PCDHAC1: variants seen among roughly 807,000 people sequenced by gnomAD.
The protein encoded by PCDHAC1 is protocadherin alpha-C1.
A neutral mutation model predicts 60.0 loss-of-function variants in PCDHAC1; 42 were observed. The observed-to-expected ratio is 0.70, with a 90% CI of 0.55 to 0.90. PCDHAC1 has a LOEUF of 0.90. PCDHAC1 is among the 40% of genes least tolerant of loss of function. PCDHAC1 has a pLI of 0.00. For missense variants in PCDHAC1, 1,160 were observed against 1,222.3 expected (o/e 0.95, Z 0.76); for synonymous variants, 468 against 499.3 (o/e 0.94, Z 0.84).
intron 1 of PCDHAC1, among the ~76,000 whole-genome samples, chr5:140,938,642 CCTT>C (rs1554212266): frequency 6.6e-6 from 1 of 151,942 alleles, no homozygotes; most frequent in East Asian, 1.9e-4. Flanking sequence ...GATGTATAAT[CCTT>C]CTTTATATCA....
intron 1 of PCDHAC1, chr5:140,967,690 C>G (rs782694266): frequency 6.2e-7 from 1 of 1,614,190 alleles, no homozygotes; most frequent in Non-Finnish European, 8.5e-7. Flanking sequence ...GGCAGCTCTT[C>G]AGCATAGATG....
intron 1 of PCDHAC1, among the ~76,000 whole-genome samples, chr5:140,941,191 T>TTTCTTTCTTCCTTTCTTCC (rs1487503403): frequency 1.1e-5 from 1 of 93,258 alleles, no homozygotes; most frequent in African/African-American, 3.9e-5. Flanking sequence ...GCTTCTTTTT[T>TTTCTTTCTTCCTTTCTTCC]TTTCTTTCTT....
chr5:140,927,072 C>A lies in PCDHAC1; in HGVS notation c.180C>A (p.Ser60Arg). The A allele has an allele frequency of 1.2e-6, 2 of 1,610,790 alleles. No individual in the cohort carries two copies. The highest frequency in any genetic ancestry group is 1.7e-6 in the Non-Finnish European group (2 of 1,177,694). The change falls in exon 1 of 4, where the codon AGC becomes AGA. Residue 60 changes from serine to arginine, a missense_variant. Physicochemically the swap from Ser to Arg is moderately radical, Grantham distance 110. Coordinates refer to ENST00000253807, the MANE Select transcript of PCDHAC1 (RefSeq NM_018898.5). Reference sequence around the variant, plus strand: ...CGCGGAACTTTCGCTTCCTTTCCAGCCACCGCGAGCTCTACTTCGGGGTGG... The same window carrying A: ...CGCGGAACTTTCGCTTCCTTTCCAGACACCGCGAGCTCTACTTCGGGGTGG... ...MSSRNFRFLS[S>R]HRELYFGVDL...
At chr5:140,972,091 C>G (rs1169233514) in intron 1 of PCDHAC1, among the ~76,000 whole-genome samples, 3 of 152,164 alleles carry the variant, frequency 2.0e-5, no homozygotes, top group African/African-American at 4.8e-5. Context: ...AGAGTAATTT[C>G]TGGCATAGAA....
chr5:140,967,361 C>G (rs1323729968), intron 1 of PCDHAC1: 9 of 1,607,256 alleles, frequency 5.6e-6, no homozygotes, highest in African/African-American at 1.3e-5. Context: ...GGACCTTAAG[C>G]CCCTGCAGGA....
rs1032045343 is a variant in PCDHAC1 at position 140,949,549 on chromosome 5, G to A, written c.2433+20224G>A. On this transcript the variant is annotated intron_variant, in intron 1 of 3. Transcript: ENST00000253807. Reference sequence around the variant, plus strand: ...CTTCATAAAATATCGATTTGTTGCTGGTCATACTTTTTTTCTTGTAGTAGC... The same window carrying A: ...CTTCATAAAATATCGATTTGTTGCTAGTCATACTTTTTTTCTTGTAGTAGC... Among the ~76,000 whole-genome samples the A allele has an allele frequency of 2.0e-5, 3 of 151,684 alleles. No homozygotes were observed. In the South Asian group the frequency reaches 6.2e-4, roughly 31 times the overall value.
At chr5:141,004,495 C>T (rs1363359146) in intron 3 of PCDHAC1, among the ~76,000 whole-genome samples, 14 of 152,182 alleles carry the variant, frequency 9.2e-5, no homozygotes, top group Admixed American at 9.2e-4. Flanking sequence ...TCTTGGCAGT[C>T]CTGCTGTGAG....
intron 1 of PCDHAC1, among the ~76,000 whole-genome samples, chr5:140,970,314 A>G (rs141905108): frequency 0.01 from 1,597 of 152,320 alleles, 13 homozygotes; most frequent in Middle Eastern, 0.014. Flanking sequence ...AAGTTAAATG[A>G]CAGTACTTCC....
Sources: gnomAD v4.1 joint callset for allele counts (sites outside exome capture counted in the v4.1 genomes callset) on GRCh38, gnomAD v4.1.1 for gene constraint, MANE v1.5 for transcripts, NCBI Gene and HGNC (gene_info 2026-07-23, HGNC 2026-07-21) for gene names.